STOML2: variants seen among roughly 807,000 people sequenced by gnomAD.
STOML2 encodes the protein stomatin-like protein 2, mitochondrial.
In STOML2, 22 loss-of-function variants were observed where a neutral mutation model predicts 45.7. That is an observed-to-expected ratio of 0.48 (90% CI 0.34 to 0.69). The LOEUF (loss-of-function observed/expected upper bound fraction) is 0.69, where lower values mean the gene tolerates loss of function less well. STOML2 is among the 30% of genes least tolerant of loss of function. STOML2 has a pLI of 0.01. For synonymous variants in STOML2, 181 were observed against 182.7 expected (o/e 0.99, Z 0.08); for missense variants, 359 against 466.9 (o/e 0.77, Z 2.13).
At position 35,100,015 on chromosome 9, in the gene STOML2, C is replaced by T. The variant is rs1829783530; in HGVS notation, c.*20G>A. The T allele has an allele frequency of 6.2e-7, 1 of 1,608,286 alleles. No homozygotes were observed. Among genetic ancestry groups the T allele is most frequent in the Non-Finnish European group, 8.5e-7 (1 of 1,175,438 alleles). ...AATCTGCTTCCTTGTTCCCAGACTC[C>T]CTGGCCAAGCCCAGCTCCACTAACT... On this transcript the variant is annotated 3_prime_UTR_variant, in exon 10 of 10. Coordinates refer to ENST00000356493, the MANE Select transcript of STOML2 (RefSeq NM_013442.3).
rs1829821022 is a variant in STOML2 at position 35,101,677 on chromosome 9, T to C, written c.444+33A>G. 2 of 1,613,768 alleles carry C rather than the reference T, an allele frequency of 1.2e-6. No individual in the cohort carries two copies. The highest frequency in any genetic ancestry group is 1.7e-6 in the Non-Finnish European group (2 of 1,179,798). On this transcript the variant is annotated intron_variant, in intron 5 of 9. Coordinates refer to ENST00000356493, the MANE Select transcript of STOML2 (RefSeq NM_013442.3). This position sits in a 1 kb window ranked among gnomAD's most constrained non-coding sequence, Gnocchi z 4.3. Reference sequence around the variant, plus strand: ...AGATTAAGAGTGTCAGGTTTGTGTCTTCAAACCCTAACTCTGGCTCAGATC... The same window carrying C: ...AGATTAAGAGTGTCAGGTTTGTGTCCTCAAACCCTAACTCTGGCTCAGATC...
upstream of STOML2, chr9:35,103,191 C>T (rs746055430): frequency 6.9e-7 from 1 of 1,459,518 alleles, no homozygotes; most frequent in Non-Finnish European, 9.3e-7. Flanking sequence ...TTCCGCTCCC[C>T]CGGATGTACT....
rs375447931 is a variant in STOML2 at position 35,100,009 on chromosome 9, A to C, written c.*26T>G. 1.3e-5 allele frequency: 21 copies of C among 1,604,924 alleles called. No individual in the cohort carries two copies. In the African/African-American group the frequency reaches 2.4e-4, roughly 18 times the overall value. On this transcript the variant is annotated 3_prime_UTR_variant, in exon 10 of 10. Transcript: ENST00000356493. ...CAGGAAAATCTGCTTCCTTGTTCCC[A>C]GACTCCCTGGCCAAGCCCAGCTCCA...
In STOML2 at chr9:35,103,102, C is replaced by A. The variant is rs1005605161; in HGVS notation, c.-8G>T. The A allele has an allele frequency of 5.0e-6, 8 of 1,613,064 alleles. No homozygotes were observed. Among genetic ancestry groups the A allele is most frequent in the East Asian group, 2.2e-5 (1 of 44,882 alleles). Reference sequence around the variant, plus strand: ...CGCCGCGCGCGCCAGCATTTCCCACCGCCGCAGCGACCTCCGGAACCAACG... The same window carrying A: ...CGCCGCGCGCGCCAGCATTTCCCACAGCCGCAGCGACCTCCGGAACCAACG... On this transcript the variant is annotated 5_prime_UTR_variant, in exon 1 of 10. Transcript: ENST00000356493.
In STOML2 at chr9:35,103,121, A is replaced by T; in HGVS notation, c.-27T>A. On this transcript the variant is annotated 5_prime_UTR_variant, in exon 1 of 10. Transcript: ENST00000356493. ...TCCCACCGCCGCAGCGACCTCCGGA[A>T]CCAACGAGACGAGCGGAGCGGTCGC... 2 of 1,611,610 alleles carry T rather than the reference A, an allele frequency of 1.2e-6. No individual in the cohort carries two copies. Among genetic ancestry groups the T allele is most frequent in the South Asian group, 1.1e-5 (1 of 91,012 alleles).
chr9:35,100,371 A>G (rs1829790636), intron 9 of STOML2, among the ~76,000 whole-genome samples, 199 bp from the exon 10 acceptor site: 1 of 152,212 alleles, frequency 6.6e-6, no homozygotes, highest in Non-Finnish European at 1.5e-5. Context: ...CTCTCAGAAT[A>G]CCAGCACAAG....
chr9:35,102,241 T>C lies in STOML2; in HGVS notation c.184-47A>G. 1.3e-6 allele frequency: 2 copies of C among 1,554,546 alleles called. No individual in the cohort carries two copies. Among genetic ancestry groups the C allele is most frequent in the Non-Finnish European group, 1.8e-6 (2 of 1,129,168 alleles). ...CCTCAGAAGGCTGGGAACTATTGGG[T>C]TGGGACCTAAGCTAGTCCTGGAGTA... On this transcript the variant is annotated intron_variant, in intron 2 of 9. Coordinates refer to ENST00000356493, the MANE Select transcript of STOML2 (RefSeq NM_013442.3). This position sits in a 1 kb window ranked among gnomAD's most constrained non-coding sequence, Gnocchi z 4.8.
At position 35,101,872 on chromosome 9, in the gene STOML2, T is replaced by A. The variant is rs1339022632; in HGVS notation, c.342+32A>T. ...ACAAGATTTTAGTGAAGAGGGCAAC[T>A]CAAAAGGCTGGATAAAGTAGGGGAC... On this transcript the variant is annotated intron_variant, in intron 4 of 9. Transcript: ENST00000356493. The surrounding 1 kb of genome is among the most constrained non-coding windows in gnomAD (Gnocchi z 4.3). The A allele has an allele frequency of 1.1e-5, 18 of 1,613,912 alleles. No individual in the cohort carries two copies. Among genetic ancestry groups the A allele is most frequent in the Admixed American group, 8.3e-5 (5 of 59,990 alleles).
At chr9:35,100,390 A>G (rs945563335) in intron 9 of STOML2, among the ~76,000 whole-genome samples, 3 of 152,212 alleles carry the variant, frequency 2.0e-5, no homozygotes, top group African/African-American at 7.2e-5. Context: ...AGTATCTACC[A>G]AAAAAAGGTA....
Position 35,102,805 on chromosome 9 carries a change from C to T in STOML2, c.64G>A (p.Gly22Ser). 1 of 1,613,528 alleles carries T rather than the reference C, an allele frequency of 6.2e-7. No individual in the cohort carries two copies. Among genetic ancestry groups the T allele is most frequent in the Non-Finnish European group, 8.5e-7 (1 of 1,179,832 alleles). Residue 22 changes from glycine (G) to serine (S), a missense_variant, in exon 2 of 10, where the codon GGC becomes AGC. By Grantham distance (56) the Gly-to-Ser change is moderately conservative. Around this residue, in one of 2 missense-constraint regions of STOML2, gnomAD observed 74 missense variants for 45.0 expected, o/e 1.65. Coordinates refer to ENST00000356493, the MANE Select transcript of STOML2 (RefSeq NM_013442.3). The surrounding 1 kb of genome is among the most constrained non-coding windows in gnomAD (Gnocchi z 4.8). ...GAGGAGGCGCGGCGCGGAGCGCGGC[C>T]AGAAGCCAGTAGAGAGCCCTGAAGG... ...LLLRGSLLAS[G>S]RAPRRASSGL...
In STOML2 at chr9:35,102,453, G is replaced by A. The variant is rs1829839849; in HGVS notation, c.183+233C>T. 1.4e-6 allele frequency: 1 copy of A among 700,138 alleles called. No individual in the cohort carries two copies. Among genetic ancestry groups the A allele is most frequent in the South Asian group, 1.9e-5 (1 of 52,954 alleles). The allele number at this position is 700,138 out of a possible 1,614,324, so 43.4% of individuals were successfully genotyped here. On this transcript the variant is annotated intron_variant, in intron 2 of 9. Transcript: ENST00000356493. This position sits in a 1 kb window ranked among gnomAD's most constrained non-coding sequence, Gnocchi z 4.8. ...CAGAATAGCCATCTCTATGCAGACT[G>A]AGAGGTAGGGCTGAGAGTGGGCAGG...
chr9:35,099,909 T>G lies in STOML2; in HGVS notation c.*126A>C. On this transcript the variant is annotated 3_prime_UTR_variant, in exon 10 of 10. Transcript: ENST00000356493. ...AGGACAGTTTCTGGTTTGCCACTGG[T>G]GAGTTTATTACACGACTAAAGTTCA... The G allele has an allele frequency of 5.1e-6, 6 of 1,181,666 alleles. No individual in the cohort carries two copies. Among genetic ancestry groups the G allele is most frequent in the Non-Finnish European group, 7.1e-6 (6 of 842,862 alleles). 73.2% of individuals were successfully genotyped at this position (1,181,666 alleles called of 1,614,324 possible).
chr9:35,102,663 G>T lies in STOML2; in HGVS notation c.183+23C>A. 1 of 1,611,500 alleles carries T rather than the reference G, an allele frequency of 6.2e-7. No homozygotes were observed. The highest frequency in any genetic ancestry group is 8.5e-7 in the Non-Finnish European group (1 of 1,179,692). On this transcript the variant is annotated intron_variant, in intron 2 of 9. Transcript: ENST00000356493. This position sits in a 1 kb window ranked among gnomAD's most constrained non-coding sequence, Gnocchi z 4.8. ...GGGATTGGTCATCTGGCTGGCCCAG[G>T]GTGGGCAGAAGAGGTTTCTCACAGG...
At position 35,102,322 on chromosome 9, in the gene STOML2, A is replaced by G. The variant is rs565598732; in HGVS notation, c.184-128T>C. On this transcript the variant is annotated intron_variant, in intron 2 of 9. Coordinates refer to ENST00000356493, the MANE Select transcript of STOML2 (RefSeq NM_013442.3). This position sits in a 1 kb window ranked among gnomAD's most constrained non-coding sequence, Gnocchi z 4.8. ...GAAAAGCAGCAGCTCCTACCAAGAAATAAGTCCTCAGAAGGCTGAGGTGTC... is the reference window on the plus strand; with the variant it reads ...GAAAAGCAGCAGCTCCTACCAAGAAGTAAGTCCTCAGAAGGCTGAGGTGTC... The G allele has an allele frequency of 1.4e-4, 112 of 787,064 alleles. 1 individual carries two copies. The South Asian group carries it at 1.9e-3, about 14-fold the overall frequency. The allele number at this position is 787,064 out of a possible 1,614,324, so 48.8% of individuals were successfully genotyped here.
At position 35,100,646 on chromosome 9, in the gene STOML2, A is replaced by G. The variant is rs1281214905; in HGVS notation, c.885T>C (p.Thr295=). 6.2e-7 allele frequency: 1 copy of G among 1,614,100 alleles called. No individual in the cohort carries two copies. The highest frequency in any genetic ancestry group is 1.1e-5 in the South Asian group (1 of 91,080). Residue 295 remains threonine (T), a synonymous_variant, in exon 9 of 10, where the codon ACT becomes ACC. Transcript: ENST00000356493. ...AFSKLAKDSN[T]ILLPSNPGDV... ...CGCCAGGGTTGGAGGGCAGTAGGAT[A>G]GTGTTGGAGTCCTTGGCCAGTTTGG...
Position 35,102,075 on chromosome 9 carries a change from T to C in STOML2, c.283+20A>G. The C allele has an allele frequency of 1.2e-6, 2 of 1,612,982 alleles. No homozygotes were observed. The highest frequency in any genetic ancestry group is 1.7e-6 in the Non-Finnish European group (2 of 1,179,064). On this transcript the variant is annotated intron_variant, in intron 3 of 9. Coordinates refer to ENST00000356493, the MANE Select transcript of STOML2 (RefSeq NM_013442.3). This position sits in a 1 kb window ranked among gnomAD's most constrained non-coding sequence, Gnocchi z 4.8. ...CATCCTAATAGCCTCAGAGCACCCA[T>C]GTCACCCTGAACCCCTCACCGAGAG...
rs1829836495 is a variant in STOML2, at chr9:35,102,314, A to G, written c.184-120T>C. 7.2e-6 allele frequency: 6 copies of G among 836,466 alleles called. No individual in the cohort carries two copies. The highest frequency in any genetic ancestry group is 5.5e-5 in the Admixed American group (2 of 36,122). 51.8% of individuals were successfully genotyped at this position (836,466 alleles called of 1,614,324 possible). A position where few individuals can be genotyped will look rare whatever the true frequency, so the allele number is the denominator to read the frequency against. On this transcript the variant is annotated intron_variant, in intron 2 of 9. Transcript: ENST00000356493. This position sits in a 1 kb window ranked among gnomAD's most constrained non-coding sequence, Gnocchi z 4.8. The stretch of plus-strand genomic sequence containing the variant: ...CATGCCCAGAAAAGCAGCAGCTCCT[A>G]CCAAGAAATAAGTCCTCAGAAGGCT...
chr9:35,102,030 C>A lies in STOML2; in HGVS notation c.283+65G>T. The A allele has an allele frequency of 6.2e-7, 1 of 1,611,798 alleles. No individual in the cohort carries two copies. On this transcript the variant is annotated intron_variant, in intron 3 of 9. Transcript: ENST00000356493. This position sits in a 1 kb window ranked among gnomAD's most constrained non-coding sequence, Gnocchi z 4.8. ...GTCCCAACCAGTTCTTTCTACTAAGCTCTGGATCTACAGCAACCACATCCT... is the reference window on the plus strand; with the variant it reads ...GTCCCAACCAGTTCTTTCTACTAAGATCTGGATCTACAGCAACCACATCCT...
At position 35,102,413 on chromosome 9, in the gene STOML2, G is replaced by C. The variant is rs1438697071; in HGVS notation, c.184-219C>G. The C allele has an allele frequency of 6.1e-6, 4 of 654,836 alleles. No homozygotes were observed. In the African/African-American group the frequency reaches 7.3e-5, roughly 12 times the overall value. The allele number at this position is 654,836 out of a possible 1,614,324, so 40.6% of individuals were successfully genotyped here. ...GCCCCTGAATGGAGGGGAGAGTCAT[G>C]AGAATCGGAGCCAGCAGAATAGCCA... On this transcript the variant is annotated intron_variant, in intron 2 of 9. Transcript: ENST00000356493. This position sits in a 1 kb window ranked among gnomAD's most constrained non-coding sequence, Gnocchi z 4.8.
Sources: gnomAD v4.1 joint callset for allele counts (sites outside exome capture counted in the v4.1 genomes callset) on GRCh38, gnomAD v4.1.1 for gene constraint, gnomAD v4.1.1 regional missense constraint, Gnocchi (gnomAD v3.1) non-coding constraint, MANE v1.5 for transcripts, NCBI Gene and HGNC (gene_info 2026-07-23, HGNC 2026-07-21) for gene names.